HECTD2: variants seen among roughly 807,000 people sequenced by gnomAD.
HECTD2 encodes the protein probable E3 ubiquitin-protein ligase HECTD2.
A neutral mutation model predicts 103.2 loss-of-function variants in HECTD2; 35 were observed. That is an observed-to-expected ratio of 0.34 (90% CI 0.26 to 0.45). The LOEUF is 0.45. Among genes scored for constraint, HECTD2 ranks in the 20% least tolerant of loss-of-function variants. The pLI is 1.00. For missense variants in HECTD2, 596 were observed against 937.4 expected (o/e 0.64, Z 4.76); for synonymous variants, 281 against 329.9 (o/e 0.85, Z 1.61).
At chr10:91,434,125 G>C (rs1226945796) in intron 2 of HECTD2, among the ~76,000 whole-genome samples, 3 of 151,900 alleles carry the variant, frequency 2.0e-5, no homozygotes, top group Non-Finnish European at 4.4e-5. Context: ...TGGCTCTGAT[G>C]GCTAAAGTCC....
intron 5 of HECTD2, among the ~76,000 whole-genome samples, chr10:91,466,076 T>C (rs1290268255): frequency 1.3e-5 from 2 of 152,198 alleles, no homozygotes; most frequent in Non-Finnish European, 2.9e-5. Flanking sequence ...GCTTTCTGTT[T>C]TAGAAGGTTA....
intron 20 of HECTD2, among the ~76,000 whole-genome samples, chr10:91,507,610 G>C (rs1219232438): frequency 1.8e-4 from 27 of 149,872 alleles, no homozygotes; most frequent in Admixed American, 1.4e-3. Flanking sequence ...CGCTGCTCAA[G>C]GAAATAAAAG....
Position 91,487,797 on chromosome 10 carries a change from CAT to C in HECTD2, c.1191+22_1191+23del. 1.5e-6 allele frequency: 2 copies of C among 1,297,832 alleles called. No individual in the cohort carries two copies. Among genetic ancestry groups the C allele is most frequent in the Middle Eastern group, 1.9e-4 (1 of 5,360 alleles). 80.4% of individuals were successfully genotyped at this position (1,297,832 alleles called of 1,614,324 possible). A position where few individuals can be genotyped will look rare whatever the true frequency, so the allele number is the denominator to read the frequency against. On this transcript the variant is annotated intron_variant, in intron 11 of 20. Coordinates refer to ENST00000298068, the MANE Select transcript of HECTD2 (RefSeq NM_182765.6). The surrounding 1 kb of genome is among the most constrained non-coding windows in gnomAD (Gnocchi z 4.1). ...CGCAAGGGTAAGTCAGCTATAAAAA[CAT>C]ATTTATGCTGACTATAATCAGTATA...
intron 2 of HECTD2, among the ~76,000 whole-genome samples, chr10:91,434,252 G>A (rs1353451322): frequency 6.6e-6 from 1 of 151,700 alleles, no homozygotes; most frequent in Non-Finnish European, 1.5e-5. Flanking sequence ...AAAACCACTT[G>A]TTATGACTAA....
chr10:91,487,696 A>G lies in HECTD2; in HGVS notation c.1109A>G (p.Gln370Arg), dbSNP rs768443600. 2 of 1,610,442 alleles carry G rather than the reference A, an allele frequency of 1.2e-6. No homozygotes were observed. The highest frequency in any genetic ancestry group is 1.7e-5 in the Admixed American group (1 of 59,990). Residue 370 changes from glutamine to arginine, a missense_variant, in exon 11 of 21, where the codon CAG becomes CGG. Around this residue, in one of 4 missense-constraint regions of HECTD2, gnomAD observed 303 missense variants for 522.5 expected, o/e 0.58. Transcript: ENST00000298068. The surrounding 1 kb of genome is among the most constrained non-coding windows in gnomAD (Gnocchi z 4.1). Reference protein sequence around the residue: ...FGNSHRFSFCQYPFVISVAAK... With the variant: ...FGNSHRFSFCRYPFVISVAAK... ...TTGTTGAGCAGGTTTTCCTTCTGTC[A>G]GTACCCATTCGTTATTTCTGTAGCT... is the stretch of plus-strand genomic sequence containing the variant.
chr10:91,511,252 A>G (rs2133394492), intron 20 of HECTD2, among the ~76,000 whole-genome samples: 1 of 152,318 alleles, frequency 6.6e-6, no homozygotes, highest in African/African-American at 2.4e-5. Flanking sequence ...AGATAGCTGT[A>G]AGAATCCTAA....
intron 15 of HECTD2, among the ~76,000 whole-genome samples, chr10:91,497,199 C>T (rs1001910921): frequency 3.6e-5 from 5 of 139,248 alleles, no homozygotes; most frequent in African/African-American, 7.9e-5. Context: ...TGGTCTCGAA[C>T]TCATGGCCTC....
intron 2 of HECTD2, 32 bp from the exon 3 acceptor site, chr10:91,460,395 C>A: frequency 6.6e-7 from 1 of 1,517,088 alleles, no homozygotes; most frequent in Non-Finnish European, 8.9e-7. Context: ...TTTAATGATT[C>A]ATTATTTTGA....
chr10:91,478,272 TA>T lies in HECTD2; in HGVS notation c.665+9del. 1.3e-6 allele frequency: 2 copies of T among 1,547,364 alleles called. No individual in the cohort carries two copies. The highest frequency in any genetic ancestry group is 1.8e-6 in the Non-Finnish European group (2 of 1,119,448). On this transcript the variant is annotated splice_region_variant and intron_variant, in intron 6 of 20. Transcript: ENST00000298068. ...TGTTACGAGAATGGAAAGGGTAAAC[TA>T]ATATTTTCAATATTTAGCTAATCAG...
At chr10:91,473,505 A>C (rs1181313362) in intron 5 of HECTD2, among the ~76,000 whole-genome samples, 1 of 152,154 alleles carries the variant, frequency 6.6e-6, no homozygotes, top group African/African-American at 2.4e-5. Context: ...GAATGATGAA[A>C]AAGAAATTCA....
intron 16 of HECTD2, 42 bp downstream of exon 16, chr10:91,498,224 C>A: frequency 4.6e-5 from 58 of 1,262,542 alleles, no homozygotes; most frequent in Non-Finnish European, 5.6e-5. Flanking sequence ...TCATATATTT[C>A]ATATATGAAC....
chr10:91,475,396 TA>T (rs1326461474), intron 5 of HECTD2, among the ~76,000 whole-genome samples: 1 of 152,208 alleles, frequency 6.6e-6, no homozygotes, highest in African/African-American at 2.4e-5. Context: ...ATTAGATGGA[TA>T]AGGCATTCGT....
chr10:91,414,088 T>C (rs572365872), intron 1 of HECTD2, among the ~76,000 whole-genome samples: 4 of 152,274 alleles, frequency 2.6e-5, no homozygotes, highest in Admixed American at 6.5e-5. Flanking sequence ...GAAATAACAG[T>C]GGCAGCGAGG....
chr10:91,417,681 C>A (rs1172420026), intron 1 of HECTD2, among the ~76,000 whole-genome samples: 1 of 152,066 alleles, frequency 6.6e-6, no homozygotes, highest in Non-Finnish European at 1.5e-5. Flanking sequence ...CATGTCCCTA[C>A]AAAGGACATG....
intron 8 of HECTD2, 56 bp downstream of exon 8, chr10:91,483,132 A>G (rs894258620): frequency 1.3e-5 from 9 of 709,314 alleles, no homozygotes; most frequent in East Asian, 2.8e-5. Flanking sequence ...TAAGTTTGGT[A>G]TTAGTAATTT....
intron 5 of HECTD2, among the ~76,000 whole-genome samples, chr10:91,475,584 A>C (rs1431597746): frequency 6.6e-6 from 1 of 152,216 alleles, no homozygotes; most frequent in Non-Finnish European, 1.5e-5. Flanking sequence ...ATGAGTTGAC[A>C]ATGAGAAGAG....
intron 20 of HECTD2, among the ~76,000 whole-genome samples, chr10:91,505,083 G>A (rs1410177609): frequency 6.6e-6 from 1 of 151,726 alleles, no homozygotes; most frequent in Admixed American, 6.6e-5. Flanking sequence ...GAGAGATTTT[G>A]TCACCACCAG....
intron 15 of HECTD2, among the ~76,000 whole-genome samples, chr10:91,497,471 T>A (rs1317400068): frequency 8.6e-6 from 1 of 116,010 alleles, no homozygotes; most frequent in Non-Finnish European, 1.7e-5. Context: ...TTTTTTTTTT[T>A]TTTTTTTTTT....
At chr10:91,454,186 A>G (rs1360145183) in intron 2 of HECTD2, among the ~76,000 whole-genome samples, 1 of 152,112 alleles carries the variant, frequency 6.6e-6, no homozygotes, top group Non-Finnish European at 1.5e-5. Context: ...AACCAACAGC[A>G]CATTTACAGC....
Sources: gnomAD v4.1 joint callset for allele counts (sites outside exome capture counted in the v4.1 genomes callset) on GRCh38, gnomAD v4.1.1 for gene constraint, gnomAD v4.1.1 regional missense constraint, Gnocchi (gnomAD v3.1) non-coding constraint, MANE v1.5 for transcripts, NCBI Gene and HGNC (gene_info 2026-07-23, HGNC 2026-07-21) for gene names.